The following RALGAPB variants were observed in gnomAD, a reference collection of about 807,000 sequenced individuals.
RALGAPB encodes the protein Ral GTPase activating protein non-catalytic subunit beta, also known as ral GTPase-activating protein subunit beta.
Under a neutral mutation model 161.1 loss-of-function variants are expected in RALGAPB, and 25 were observed. The observed-to-expected ratio is 0.16, with a 90% confidence interval of 0.11 to 0.22. The LOEUF is 0.22. RALGAPB is among the 10% of genes least tolerant of loss of function. The pLI is 1.00. For synonymous variants in RALGAPB, 629 were observed against 626.1 expected (o/e 1.00, Z -0.07); for missense variants, 1,391 against 1,815.2 (o/e 0.77, Z 4.25).
At chr20:38,520,562 T>G (rs1430115178) in intron 9 of RALGAPB, among the ~76,000 whole-genome samples, 1 of 151,058 alleles carries the variant, frequency 6.6e-6, no homozygotes, top group Non-Finnish European at 1.5e-5. Context: ...TTTAAGCTTA[T>G]TTTTATACAG....
chr20:38,549,264 G>A (rs948466961), intron 20 of RALGAPB, among the ~76,000 whole-genome samples: 1 of 151,742 alleles, frequency 6.6e-6, no homozygotes, highest in Non-Finnish European at 1.5e-5. Flanking sequence ...GTCTTGTTCT[G>A]TTGCCCAGAC....
chr20:38,551,302 T>C (rs2087366326), intron 21 of RALGAPB, 79 bp downstream of exon 21: 1 of 1,469,870 alleles, frequency 6.8e-7, no homozygotes, highest in South Asian at 1.2e-5. Flanking sequence ...GACAATGCTT[T>C]TAGTGTTGTT....
chr20:38,503,427 G>A (rs954049905), intron 5 of RALGAPB, among the ~76,000 whole-genome samples: 1 of 152,164 alleles, frequency 6.6e-6, no homozygotes, highest in Non-Finnish European at 1.5e-5. Flanking sequence ...ATGACTCTGA[G>A]GGGTTCAAAG....
At chr20:38,550,092 A>G (rs1261658739) in intron 20 of RALGAPB, among the ~76,000 whole-genome samples, 1 of 152,182 alleles carries the variant, frequency 6.6e-6, no homozygotes, top group South Asian at 2.1e-4. Flanking sequence ...GGAATTGAAC[A>G]GTGGGAACAC....
chr20:38,531,033 A>G (rs1443004838), intron 13 of RALGAPB, 134 bp from the exon 14 acceptor site: 2 of 729,140 alleles, frequency 2.7e-6, no homozygotes, highest in East Asian at 2.8e-5. Flanking sequence ...AGAGCCAACT[A>G]TAATTTCATG....
intron 28 of RALGAPB, 126 bp from the exon 29 acceptor site, chr20:38,574,024 C>A: frequency 1.0e-6 from 1 of 978,050 alleles, no homozygotes; most frequent in Non-Finnish European, 1.5e-6. Context: ...CTTGGCTTTT[C>A]TCAGACCACT....
At position 38,574,964 on chromosome 20, in the gene RALGAPB, T is replaced by C. The variant is rs749106288; in HGVS notation, c.4482T>C (p.Ser1494=). ...AGGTTGGACTCAAGAACTGCAGTTC[T>C]TAGACCACTGAATTTCTAAGACTGT... ...FQEVGLKNCS[S] Residue 1494 remains serine, a synonymous_variant, in exon 30 of 30, where the codon TCT becomes TCC. Coordinates refer to ENST00000262879, the MANE Select transcript of RALGAPB (RefSeq NM_020336.4). 3 of 1,606,216 alleles carry C rather than the reference T, an allele frequency of 1.9e-6. No homozygotes were observed. Among genetic ancestry groups the C allele is most frequent in the Admixed American group, 3.3e-5 (2 of 60,008 alleles).
chr20:38,572,905 C>T (rs1013034307), intron 28 of RALGAPB, among the ~76,000 whole-genome samples: 10 of 152,064 alleles, frequency 6.6e-5, no homozygotes, highest in Non-Finnish European at 1.3e-4. Context: ...GAATTCACTC[C>T]AGGACTATAT....
At chr20:38,492,877 C>A in intron 2 of RALGAPB, 53 bp from the exon 3 acceptor site, 1 of 1,420,820 alleles carries the variant, frequency 7.0e-7, no homozygotes, top group South Asian at 1.2e-5. Flanking sequence ...TTAAATCAGT[C>A]TACTGAGATA....
chr20:38,517,730 C>G, intron 8 of RALGAPB, 54 bp from the exon 9 acceptor site: 1 of 1,604,416 alleles, frequency 6.2e-7, no homozygotes, highest in Admixed American at 1.7e-5. Flanking sequence ...TAAAGTCTTG[C>G]TATTTTCTCA....
chr20:38,569,075 CAG>C (rs2088124279), intron 26 of RALGAPB: 2 of 152,154 alleles, frequency 1.3e-5, no homozygotes, highest in Non-Finnish European at 2.9e-5. Flanking sequence ...CTGTGAATGT[CAG>C]AGTAGATATA....
intron 3 of RALGAPB, 67 bp downstream of exon 3, chr20:38,493,199 A>G (rs2085327197): frequency 3.1e-6 from 4 of 1,290,612 alleles, no homozygotes; most frequent in Non-Finnish European, 4.4e-6. Context: ...ACGTTACTAT[A>G]GTATAGGAGC....
chr20:38,564,978 TCTGC>T (rs998721254), intron 24 of RALGAPB, among the ~76,000 whole-genome samples: 26 of 150,768 alleles, frequency 1.7e-4, no homozygotes, highest in East Asian at 2.0e-4. Flanking sequence ...TCTCTCTCTC[TCTGC>T]CTGCCTGCCT....
chr20:38,518,394 T>C (rs1474917944), intron 9 of RALGAPB, among the ~76,000 whole-genome samples: 1 of 152,200 alleles, frequency 6.6e-6, no homozygotes, highest in East Asian at 1.9e-4. Context: ...AGCCATTCAC[T>C]CATTAGTATA....
At chr20:38,564,985 G>T (rs563830604) in intron 24 of RALGAPB, among the ~76,000 whole-genome samples, 1 of 144,986 alleles carries the variant, frequency 6.9e-6, no homozygotes, top group African/African-American at 2.6e-5. Flanking sequence ...CTCTCTGCCT[G>T]CCTGCCTGCC....
At chr20:38,506,650 T>C (rs2085771545) in intron 5 of RALGAPB, among the ~76,000 whole-genome samples, 1 of 152,336 alleles carries the variant, frequency 6.6e-6, no homozygotes, top group East Asian at 1.9e-4. Flanking sequence ...TGGGTTGTCT[T>C]ACAGAGTGTT....
chr20:38,521,194 A>G (rs1006111467), intron 9 of RALGAPB, among the ~76,000 whole-genome samples: 1 of 152,244 alleles, frequency 6.6e-6, no homozygotes. Flanking sequence ...ATTCTGTATT[A>G]TATATCTGTA....
chr20:38,516,110 C>T (rs1379184735), intron 6 of RALGAPB, 82 bp from the exon 7 acceptor site: 5 of 1,106,886 alleles, frequency 4.5e-6, no homozygotes, highest in Non-Finnish European at 5.1e-6. Flanking sequence ...AGGCACAGTC[C>T]TATTCTTAAA....
intron 5 of RALGAPB, among the ~76,000 whole-genome samples, chr20:38,506,187 T>A (rs2085758209): frequency 6.6e-6 from 1 of 152,158 alleles, no homozygotes; most frequent in Non-Finnish European, 1.5e-5. Context: ...AATACTAAAT[T>A]ATTTTATGTA....
Sources: allele counts gnomAD v4.1 joint callset (sites outside exome capture counted in the v4.1 genomes callset), GRCh38; gene constraint gnomAD v4.1.1; transcripts MANE v1.5; gene names NCBI Gene and HGNC (gene_info 2026-07-23, HGNC 2026-07-21).